Variants in DCC observed in about 807,000 individuals in gnomAD.
The protein encoded by DCC is DCC netrin 1 receptor.
DCC carries 58 observed loss-of-function variants against 172.5 expected under a neutral mutation model. The observed-to-expected ratio is 0.34, with a 90% confidence interval of 0.27 to 0.42. The LOEUF is 0.42. Ranked by LOEUF, DCC falls within the 10% of genes least tolerant of loss-of-function variation. DCC has a pLI of 1.00. For missense variants in DCC, 1,740 were observed against 1,791.0 expected, an observed-to-expected ratio of 0.97 and a Z score of 0.51; for synonymous variants, 709 against 644.5, an observed-to-expected ratio of 1.10 and a Z score of -1.52.
intron 3 of DCC, among the ~76,000 whole-genome samples, chr18:52,913,842 T>A (rs1285881437): frequency 6.6e-6 from 1 of 152,030 alleles, no homozygotes; most frequent in Non-Finnish European, 1.5e-5. Context: ...TCCAGACTTA[T>A]AACCCATGAA....
intron 1 of DCC, among the ~76,000 whole-genome samples, chr18:52,377,577 A>T (rs1469266619): frequency 6.6e-6 from 1 of 151,826 alleles, no homozygotes; most frequent in African/African-American, 2.4e-5. Flanking sequence ...TTACGTATTT[A>T]TCTTGTCTTA....
intron 1 of DCC, among the ~76,000 whole-genome samples, chr18:52,366,482 G>A (rs1031483107): frequency 2.0e-5 from 3 of 152,236 alleles, no homozygotes; most frequent in Admixed American, 6.5e-5. Context: ...TGATTGGTGC[G>A]TTTACAATCC....
intron 7 of DCC, among the ~76,000 whole-genome samples, chr18:53,153,772 G>T (rs1435905661): frequency 1.3e-5 from 2 of 152,176 alleles, no homozygotes; most frequent in African/African-American, 4.8e-5. Context: ...AGAGGGGCTT[G>T]TTAAGGTTTG....
intron 2 of DCC, among the ~76,000 whole-genome samples, chr18:52,861,385 T>A (rs1024258945): frequency 1.3e-5 from 2 of 152,278 alleles, no homozygotes; most frequent in Non-Finnish European, 1.5e-5. Context: ...CCATTACCAG[T>A]CAAAGCCTTG....
At chr18:52,745,394 A>C (rs1206460008) in intron 1 of DCC, among the ~76,000 whole-genome samples, 2 of 152,252 alleles carry the variant, frequency 1.3e-5, no homozygotes, top group African/African-American at 4.8e-5. Context: ...CGTGAGAATT[A>C]CCTGGAAGAC....
At chr18:52,694,576 C>T (rs1039194850) in intron 1 of DCC, among the ~76,000 whole-genome samples, 2 of 151,416 alleles carry the variant, frequency 1.3e-5, no homozygotes, top group Admixed American at 1.3e-4. Context: ...TTTTAAAATG[C>T]TTCTTTTTAC....
chr18:52,526,433 A>G (rs1000869529), intron 1 of DCC, among the ~76,000 whole-genome samples: 11 of 152,100 alleles, frequency 7.2e-5, no homozygotes, highest in African/African-American at 2.7e-4. Context: ...GGGGCTAGAA[A>G]ACCTGGTAGT....
At chr18:52,949,270 A>T (rs1042157716) in intron 5 of DCC, among the ~76,000 whole-genome samples, 4 of 152,192 alleles carry the variant, frequency 2.6e-5, no homozygotes, top group Non-Finnish European at 4.4e-5. Flanking sequence ...TAAGCCTAGA[A>T]GAGTTCTTGA....
chr18:53,447,100 G>A (rs999864874), intron 22 of DCC, among the ~76,000 whole-genome samples: 14 of 152,140 alleles, frequency 9.2e-5, no homozygotes, highest in African/African-American at 3.4e-4. Flanking sequence ...TATATTAATT[G>A]GTTGATAAAA....
Position 52,924,335 on chromosome 18 carries a change from A to G in DCC, c.848+478A>G, listed in dbSNP as rs193264690. Among the ~76,000 whole-genome samples, 345 of 152,250 alleles carry G rather than the reference A, an allele frequency of 2.3e-3. 1 individual carries two copies. The highest frequency in any genetic ancestry group is 8.0e-3 in the African/African-American group (332 of 41,576). On this transcript the variant is annotated intron_variant, in intron 4 of 28. Coordinates refer to ENST00000442544, the MANE Select transcript of DCC (RefSeq NM_005215.4). The stretch of plus-strand genomic sequence containing the variant: ...ATTATATGCAATTTTTGTCAACTGT[A>G]CTTCAATAAAGCTAAGGGGAAAAAT...
intron 1 of DCC, among the ~76,000 whole-genome samples, chr18:52,418,581 G>A (rs1024984439): frequency 6.6e-6 from 1 of 152,074 alleles, no homozygotes; most frequent in African/African-American, 2.4e-5. Context: ...TTTTGGTTAG[G>A]GGAGATGGGG....
At chr18:52,683,627 A>G (rs1310572878) in intron 1 of DCC, among the ~76,000 whole-genome samples, 3 of 152,076 alleles carry the variant, frequency 2.0e-5, no homozygotes, top group Non-Finnish European at 2.9e-5. Flanking sequence ...CCCAGGTCTC[A>G]GGTTCTGAAT....
chr18:52,931,562 C>T (rs1157490238), intron 5 of DCC, among the ~76,000 whole-genome samples: 1 of 152,026 alleles, frequency 6.6e-6, no homozygotes, highest in Non-Finnish European at 1.5e-5. Flanking sequence ...TGTTGCCCTC[C>T]TCAGTAATTT....
intron 26 of DCC, among the ~76,000 whole-genome samples, chr18:53,494,066 G>A (rs1281917243): frequency 2.0e-5 from 3 of 152,108 alleles, no homozygotes; most frequent in Non-Finnish European, 1.5e-5. Flanking sequence ...CTTTATTTCT[G>A]CCTTAATTTT....
At chr18:52,794,066 A>G (rs1345515259) in intron 2 of DCC, among the ~76,000 whole-genome samples, 2 of 152,016 alleles carry the variant, frequency 1.3e-5, no homozygotes, top group Non-Finnish European at 2.9e-5. Context: ...GCTTTGTAGT[A>G]TATGTTAGGT....
chr18:52,607,625 G>T (rs994137389), intron 1 of DCC, among the ~76,000 whole-genome samples: 1 of 152,022 alleles, frequency 6.6e-6, no homozygotes, highest in African/African-American at 2.4e-5. Flanking sequence ...CAAAGTTTTT[G>T]ATTTATTTGA....
At chr18:52,439,174 T>TTATGTGTG (rs74178668) in intron 1 of DCC, among the ~76,000 whole-genome samples, 8,077 of 144,804 alleles carry the variant, frequency 0.056, 308 homozygotes, top group Non-Finnish European at 0.075. Flanking sequence ...AAGATATGTT[T>TTATGTGTG]TGTGTGTGTG....
intron 1 of DCC, among the ~76,000 whole-genome samples, chr18:52,749,534 G>T (rs537423025): frequency 1.3e-5 from 2 of 152,266 alleles, no homozygotes; most frequent in South Asian, 2.1e-4. Flanking sequence ...AAGCAGTGAG[G>T]TGCCTATATC....
chr18:52,482,268 C>G (rs1412242371), intron 1 of DCC, among the ~76,000 whole-genome samples: 1 of 152,152 alleles, frequency 6.6e-6, no homozygotes, highest in Non-Finnish European at 1.5e-5. Flanking sequence ...TCTTTATTTA[C>G]TTTTTCATTC....
Sources: allele counts gnomAD v4.1 joint callset (sites outside exome capture counted in the v4.1 genomes callset), GRCh38; gene constraint gnomAD v4.1.1; transcripts MANE v1.5; gene names NCBI Gene and HGNC (gene_info 2026-07-23, HGNC 2026-07-21).